WWOX: variants seen among roughly 807,000 people sequenced by gnomAD.
WWOX encodes the protein WW domain-containing oxidoreductase.
Under a neutral mutation model 46.2 loss-of-function variants are expected in WWOX, and 69 were observed. The observed-to-expected ratio is 1.49, with a 90% CI of 1.23 to 1.82. The LOEUF (loss-of-function observed/expected upper bound fraction) is 1.82, where lower values mean the gene tolerates loss of function less well. Ranked by LOEUF, WWOX falls within the 40% of genes most tolerant of loss-of-function variation. The pLI, the probability that WWOX is intolerant of heterozygous loss-of-function variation, is 0.00. For synonymous variants in WWOX, 359 were observed against 202.6 expected, an observed-to-expected ratio of 1.77 and a Z score of -6.56; for missense variants, 919 against 542.6, an observed-to-expected ratio of 1.69 and a Z score of -6.89.
In WWOX at chr16:79,211,660, G is replaced by T. The variant is rs780816542; in HGVS notation, c.1109G>T (p.Gly370Val). 3 of 1,614,196 alleles carry T rather than the reference G, an allele frequency of 1.9e-6. No individual in the cohort carries two copies. Among genetic ancestry groups the T allele is most frequent in the East Asian group, 2.2e-5 (1 of 44,870 alleles). ...TGTGCTGCTGTCCCAGAACTGGAGGGTCTGGGAGGGATGTACTTCAACAAC... is the reference window on the plus strand; with the variant it reads ...TGTGCTGCTGTCCCAGAACTGGAGGTTCTGGGAGGGATGTACTTCAACAAC... ...VYCAAVPELE[G>V]LGGMYFNNCC... Residue 370 changes from glycine (G) to valine (V), a missense_variant, in exon 9 of 9, where the codon GGT becomes GTT. By Grantham distance (109) the Gly-to-Val change is moderately radical (BLOSUM62 -3). Coordinates refer to ENST00000566780, the MANE Select transcript of WWOX (RefSeq NM_016373.4).
intron 8 of WWOX, among the ~76,000 whole-genome samples, chr16:78,713,837 C>G (rs368593263): frequency 6.6e-6 from 1 of 152,072 alleles, no homozygotes; most frequent in African/African-American, 2.4e-5. Context: ...CAGTCCCATT[C>G]TCTGGGGAAA....
chr16:78,686,069 G>A (rs1003940281), intron 8 of WWOX, among the ~76,000 whole-genome samples: 1 of 152,188 alleles, frequency 6.6e-6, no homozygotes, highest in Non-Finnish European at 1.5e-5. Context: ...AGTGCAAGTA[G>A]ATTTGGGATC....
chr16:78,319,838 A>G (rs2080429465), intron 5 of WWOX, among the ~76,000 whole-genome samples: 1 of 152,028 alleles, frequency 6.6e-6, no homozygotes, highest in East Asian at 1.9e-4. Context: ...GAGGAAGCAA[A>G]ACTTTTACTC....
intron 5 of WWOX, among the ~76,000 whole-genome samples, chr16:78,331,916 G>A (rs180853868): frequency 2.7e-3 from 404 of 152,272 alleles, no homozygotes; most frequent in Non-Finnish European, 4.2e-3. Flanking sequence ...GTTATGCAAT[G>A]TGCCAACAGG....
intron 8 of WWOX, among the ~76,000 whole-genome samples, chr16:78,855,593 G>A (rs1597726379): frequency 1.3e-5 from 2 of 152,180 alleles, no homozygotes; most frequent in African/African-American, 4.8e-5. Context: ...TTCCTGCTCA[G>A]AGCTGTAGCC....
At chr16:79,135,534 A>G (rs1320316762) in intron 8 of WWOX, among the ~76,000 whole-genome samples, 1 of 152,198 alleles carries the variant, frequency 6.6e-6, no homozygotes, top group East Asian at 1.9e-4. Context: ...TATAAGTTGC[A>G]TTTCAGCTTA....
intron 8 of WWOX, among the ~76,000 whole-genome samples, chr16:78,688,333 G>A (rs1164117828): frequency 2.0e-5 from 3 of 147,860 alleles, no homozygotes; most frequent in African/African-American, 5.0e-5. Context: ...GAAAATTCAC[G>A]AGATCATTCA....
chr16:78,197,333 C>A (rs1271863637), intron 5 of WWOX, among the ~76,000 whole-genome samples: 1 of 152,198 alleles, frequency 6.6e-6, no homozygotes, highest in Non-Finnish European at 1.5e-5. Context: ...TATGAGCACA[C>A]CTCCTGGATG....
At chr16:78,863,308 T>G (rs967597773) in intron 8 of WWOX, among the ~76,000 whole-genome samples, 1 of 152,176 alleles carries the variant, frequency 6.6e-6, no homozygotes, top group Non-Finnish European at 1.5e-5. Flanking sequence ...CGCAGTACAT[T>G]CTCTACTTAG....
intron 8 of WWOX, among the ~76,000 whole-genome samples, chr16:79,162,805 G>A (rs888446500): frequency 9.2e-5 from 14 of 152,082 alleles, no homozygotes; most frequent in Non-Finnish European, 1.6e-4. Flanking sequence ...GACTTCAGGT[G>A]GATCTGGAGG....
intron 5 of WWOX, among the ~76,000 whole-genome samples, chr16:78,259,451 C>T (rs1275543316): frequency 2.6e-5 from 4 of 151,750 alleles, no homozygotes; most frequent in African/African-American, 4.9e-5. Flanking sequence ...CTCAGTCTGC[C>T]GACTAGCTGG....
chr16:78,789,808 TC>T (rs1288627914), intron 8 of WWOX, among the ~76,000 whole-genome samples: 1 of 152,140 alleles, frequency 6.6e-6, no homozygotes, highest in Non-Finnish European at 1.5e-5. Context: ...TTCCAGTTTT[TC>T]CCCCTCCAGC....
intron 8 of WWOX, among the ~76,000 whole-genome samples, chr16:78,982,413 G>A (rs113819059): frequency 6.6e-6 from 1 of 152,164 alleles, no homozygotes; most frequent in Non-Finnish European, 1.5e-5. Context: ...TGGTAAGCTG[G>A]CCCCAACCAA....
At chr16:79,036,507 C>T (rs2047869757) in intron 8 of WWOX, among the ~76,000 whole-genome samples, 2 of 152,228 alleles carry the variant, frequency 1.3e-5, no homozygotes, top group African/African-American at 4.8e-5. Flanking sequence ...TTCCTCCGAG[C>T]AGCTCCTAAG....
intron 8 of WWOX, among the ~76,000 whole-genome samples, chr16:78,791,005 C>A (rs2050582993): frequency 8.3e-6 from 1 of 120,896 alleles, no homozygotes; most frequent in African/African-American, 3.5e-5. Flanking sequence ...GGTGACAGAT[C>A]CAGACCCTGT....
At chr16:79,189,080 T>C (rs1054214433) in intron 8 of WWOX, among the ~76,000 whole-genome samples, 1 of 152,138 alleles carries the variant, frequency 6.6e-6, no homozygotes, top group Admixed American at 6.5e-5. Context: ...CGTGTATATA[T>C]AGAGAAAGAC....
chr16:78,248,492 T>A (rs778097304), intron 5 of WWOX, among the ~76,000 whole-genome samples: 5 of 152,112 alleles, frequency 3.3e-5, no homozygotes, highest in Admixed American at 1.3e-4. Context: ...TCCCAGCACT[T>A]TGGGAGGCCG....
intron 8 of WWOX, among the ~76,000 whole-genome samples, chr16:78,911,877 C>G (rs1179552340): frequency 2.0e-5 from 3 of 151,820 alleles, no homozygotes; most frequent in Admixed American, 1.3e-4. Context: ...AAAAGAAAAA[C>G]TCAACGAAAC....
chr16:78,102,292 C>T lies in WWOX; in HGVS notation c.107+2407C>T, dbSNP rs1457502451. Among the ~76,000 whole-genome samples, 12 of 152,218 alleles carry T rather than the reference C, an allele frequency of 7.9e-5. No individual in the cohort carries two copies. The East Asian group carries it at 2.1e-3, about 27-fold the overall frequency. ...AGAGGGAACAGTGAGAGGAGAGACC[C>T]CCTGCATGGCCTGTCCAGGGGCCTG... is the stretch of plus-strand genomic sequence containing the variant. On this transcript the variant is annotated intron_variant, in intron 1 of 8. Transcript: ENST00000566780.
Sources: gnomAD v4.1 joint callset for allele counts (sites outside exome capture counted in the v4.1 genomes callset) on GRCh38, gnomAD v4.1.1 for gene constraint, MANE v1.5 for transcripts, NCBI Gene and HGNC (gene_info 2026-07-23, HGNC 2026-07-21) for gene names.